The following PRKN variants were observed in gnomAD, a reference collection of about 807,000 sequenced individuals.
PRKN encodes E3 ubiquitin-protein ligase parkin.
PRKN carries 56 observed loss-of-function variants against 59.5 expected under a neutral mutation model. The observed-to-expected ratio is 0.94, with a 90% CI of 0.76 to 1.18. PRKN has a LOEUF of 1.18. Among genes scored for constraint, PRKN ranks in the 50% most tolerant of loss-of-function variants. The probability of loss-of-function intolerance (pLI) is 0.00; values close to 1 mark genes in which losing one functional copy is unlikely to be tolerated. For missense variants in PRKN, 657 were observed against 596.4 expected (o/e 1.10, Z -1.06); for synonymous variants, 250 against 222.1 (o/e 1.13, Z -1.12).
chr6:161,849,695 G>A (rs565591460), intron 6 of PRKN, among the ~76,000 whole-genome samples: 2 of 152,128 alleles, frequency 1.3e-5, no homozygotes, highest in Non-Finnish European at 2.9e-5. Context: ...GCTGTATTTT[G>A]TCTTTAACAG....
chr6:161,674,599 T>C (rs1382598373), intron 7 of PRKN, among the ~76,000 whole-genome samples: 1 of 152,196 alleles, frequency 6.6e-6, no homozygotes, highest in Admixed American at 6.5e-5. Context: ...CACGTGCTTG[T>C]TTGTTTCATG....
intron 6 of PRKN, among the ~76,000 whole-genome samples, chr6:161,808,636 G>C (rs1463032874): frequency 6.6e-6 from 1 of 151,828 alleles, no homozygotes; most frequent in Non-Finnish European, 1.5e-5. Context: ...CTTAAAAAGA[G>C]ATTAAACTGC....
intron 6 of PRKN, among the ~76,000 whole-genome samples, chr6:161,835,505 G>A (rs1792712764): frequency 6.6e-6 from 1 of 152,190 alleles, no homozygotes; most frequent in African/African-American, 2.4e-5. Context: ...TAAACAATCT[G>A]CTCTATTCTG....
At chr6:161,625,053 A>G (rs947823076) in intron 7 of PRKN, among the ~76,000 whole-genome samples, 1 of 152,204 alleles carries the variant, frequency 6.6e-6, no homozygotes, top group Non-Finnish European at 1.5e-5. Context: ...TTTTCCAGGA[A>G]AAGTCCTATG....
At chr6:162,600,813 G>A (rs1453592661) in intron 1 of PRKN, among the ~76,000 whole-genome samples, 4 of 151,942 alleles carry the variant, frequency 2.6e-5, no homozygotes, top group Non-Finnish European at 5.9e-5. Flanking sequence ...CTTCCCCTTC[G>A]CCTTCCACCA....
chr6:162,420,581 T>A (rs9347634), intron 2 of PRKN, among the ~76,000 whole-genome samples: 78,262 of 151,994 alleles, frequency 0.51, 20,525 homozygotes, highest in East Asian at 0.69. Flanking sequence ...TCCCATCTCC[T>A]TTCTAGGAGA....
intron 1 of PRKN, among the ~76,000 whole-genome samples, chr6:162,631,608 T>C (rs143004609): frequency 2.0e-5 from 3 of 152,296 alleles, no homozygotes; most frequent in African/African-American, 4.8e-5. Flanking sequence ...GTCAAATGCA[T>C]AGTTTGTAAA....
In PRKN at chr6:161,402,305, C is replaced by T. The variant is rs191227994; in HGVS notation, c.1084-15428G>A. Among the ~76,000 whole-genome samples the T allele has an allele frequency of 3.1e-3, 477 of 152,286 alleles. 5 individuals carry two copies. Among genetic ancestry groups the T allele is most frequent in the African/African-American group, 0.011 (449 of 41,534 alleles). On this transcript the variant is annotated intron_variant, in intron 9 of 11. Transcript: ENST00000366898. The surrounding 1 kb of genome is among the most constrained non-coding windows in gnomAD (Gnocchi z 4.5). ...AAACCCAGACTTATAAGACTCTTCC[C>T]CTGCCTAAGTTTTCTTTTTCTCTCT...
At chr6:161,914,680 C>T (rs561715437) in intron 6 of PRKN, among the ~76,000 whole-genome samples, 2 of 152,088 alleles carry the variant, frequency 1.3e-5, no homozygotes, top group South Asian at 2.1e-4. Flanking sequence ...ATGGATATAG[C>T]GTGTTGGTTG....
At chr6:161,667,885 C>A (rs1415282758) in intron 7 of PRKN, among the ~76,000 whole-genome samples, 1 of 151,894 alleles carries the variant, frequency 6.6e-6, no homozygotes, top group Admixed American at 6.6e-5. Context: ...GTGAGAAAAA[C>A]CTGGGAGGGT....
At chr6:161,719,669 T>C (rs1458296710) in intron 7 of PRKN, among the ~76,000 whole-genome samples, 1 of 152,248 alleles carries the variant, frequency 6.6e-6, no homozygotes, top group Non-Finnish European at 1.5e-5. Context: ...CCTATCATGA[T>C]AAGAGAAGCT....
At chr6:162,183,189 A>G (rs1218883309) in intron 4 of PRKN, among the ~76,000 whole-genome samples, 1 of 152,196 alleles carries the variant, frequency 6.6e-6, no homozygotes, top group Non-Finnish European at 1.5e-5. Context: ...TCACATTGAG[A>G]ACCACATGCA....
At chr6:162,527,096 A>G (rs978546072) in intron 1 of PRKN, among the ~76,000 whole-genome samples, 1 of 152,202 alleles carries the variant, frequency 6.6e-6, no homozygotes. Context: ...TGCATATACT[A>G]AGGCTTGTTC....
chr6:162,030,135 C>T (rs1279946209), intron 5 of PRKN, among the ~76,000 whole-genome samples: 2 of 152,138 alleles, frequency 1.3e-5, no homozygotes, highest in Non-Finnish European at 1.5e-5. Context: ...CCACCGTGCC[C>T]AGCCGCTGCA....
At chr6:161,616,891 G>C (rs1042172777) in intron 7 of PRKN, among the ~76,000 whole-genome samples, 1 of 152,192 alleles carries the variant, frequency 6.6e-6, no homozygotes, top group Admixed American at 6.5e-5. Context: ...TGTCTTTACA[G>C]TAAAATGATT....
intron 8 of PRKN, among the ~76,000 whole-genome samples, chr6:161,555,567 A>C (rs1780204265): frequency 6.6e-6 from 1 of 152,116 alleles, no homozygotes; most frequent in African/African-American, 2.4e-5. Context: ...CTGTTACCCC[A>C]TTTTTAACCG....
chr6:161,636,069 C>A (rs1250212178), intron 7 of PRKN, among the ~76,000 whole-genome samples: 1 of 152,176 alleles, frequency 6.6e-6, no homozygotes, highest in Non-Finnish European at 1.5e-5. Context: ...AGTCTCCCAT[C>A]TCGAGTCTCC....
intron 6 of PRKN, among the ~76,000 whole-genome samples, chr6:161,931,573 C>T (rs905620335): frequency 3.9e-5 from 6 of 152,132 alleles, no homozygotes; most frequent in Admixed American, 6.6e-5. Context: ...ACCCAGTCTG[C>T]GGTATTCTGT....
chr6:162,381,665 C>A (rs1480508095), intron 2 of PRKN, among the ~76,000 whole-genome samples: 5 of 152,170 alleles, frequency 3.3e-5, no homozygotes, highest in Non-Finnish European at 7.3e-5. Flanking sequence ...CCTGTCCCCC[C>A]CACTATCTCT....
Sources: allele counts gnomAD v4.1 joint callset (sites outside exome capture counted in the v4.1 genomes callset), GRCh38; gene constraint gnomAD v4.1.1; non-coding constraint Gnocchi (gnomAD v3.1); transcripts MANE v1.5; gene names NCBI Gene and HGNC (gene_info 2026-07-23, HGNC 2026-07-21).